Variants in GMEB1 observed in about 807,000 individuals in gnomAD.
The protein encoded by GMEB1 is glucocorticoid modulatory element-binding protein 1.
Under a neutral mutation model 52.4 loss-of-function variants are expected in GMEB1, and 6 were observed. The ratio of observed to expected loss-of-function variants is 0.11; its 90% CI spans 0.06 to 0.23. The LOEUF is 0.23. Ranked by LOEUF, GMEB1 falls within the 10% of genes least tolerant of loss-of-function variation. The pLI is 1.00. For missense variants in GMEB1, 486 were observed against 685.6 expected (o/e 0.71, Z 3.25); for synonymous variants, 255 against 244.9 (o/e 1.04, Z -0.38).
At position 28,710,513 on chromosome 1, in the gene GMEB1, T is replaced by C; in HGVS notation, c.869-7T>C. ...AACTGGACAGGCATGTCTTTTGTTT[T>C]AAATAGATGCTGCTGTTCTCAACAA... On this transcript the variant is annotated splice_region_variant and splice_polypyrimidine_tract_variant and intron_variant, in intron 8 of 9. Coordinates refer to ENST00000373816, the MANE Select transcript of GMEB1 (RefSeq NM_001319674.2). 6.3e-7 allele frequency: 1 copy of C among 1,595,438 alleles called. No homozygotes were observed. The highest frequency in any genetic ancestry group is 8.5e-7 in the Non-Finnish European group (1 of 1,172,548).
At chr1:28,707,120 C>T (rs919353457) in intron 8 of GMEB1, among the ~76,000 whole-genome samples, 2 of 150,576 alleles carry the variant, frequency 1.3e-5, no homozygotes, top group African/African-American at 2.4e-5. Context: ...GTAGCTGGGA[C>T]TACAGGTGCC....
At chr1:28,705,985 T>C (rs1670742055) in intron 8 of GMEB1, among the ~76,000 whole-genome samples, 1 of 150,362 alleles carries the variant, frequency 6.7e-6, no homozygotes, top group South Asian at 2.1e-4. Context: ...AAACCCCGTC[T>C]CTACTAAAAA....
chr1:28,687,204 G>T (rs1669685350), intron 2 of GMEB1, among the ~76,000 whole-genome samples: 1 of 151,494 alleles, frequency 6.6e-6, no homozygotes, highest in African/African-American at 2.4e-5. Flanking sequence ...AGATGTGGTG[G>T]CATATGCCTG....
At chr1:28,684,996 TGCTTTGTTGC>T (rs1175748838) in intron 2 of GMEB1, among the ~76,000 whole-genome samples, 4 of 152,136 alleles carry the variant, frequency 2.6e-5, no homozygotes, top group Non-Finnish European at 4.4e-5. Flanking sequence ...ATAGGGGTCT[TGCTTTGTTGC>T]TCAGTTTATC....
At chr1:28,706,086 A>G (rs4233252) in intron 8 of GMEB1, among the ~76,000 whole-genome samples, 142,669 of 151,858 alleles carry the variant, frequency 0.94, 67,106 homozygotes, top group South Asian at 0.99. Flanking sequence ...CCCGGGAGGC[A>G]GAACATGCAG....
At chr1:28,696,564 T>C (rs1170422993) in intron 5 of GMEB1, among the ~76,000 whole-genome samples, 1 of 152,174 alleles carries the variant, frequency 6.6e-6, no homozygotes, top group Non-Finnish European at 1.5e-5. Context: ...TATAACGTTT[T>C]GTGGATCCAA....
chr1:28,687,379 CACACACACAA>C (rs1431782082), intron 2 of GMEB1, among the ~76,000 whole-genome samples: 3 of 16,378 alleles, frequency 1.8e-4, no homozygotes, highest in Admixed American at 9.0e-4. Context: ...CACACACACA[CACACACACAA>C]AAAAAGACAG....
intron 5 of GMEB1, among the ~76,000 whole-genome samples, chr1:28,696,718 G>A (rs190113171): frequency 4.6e-5 from 7 of 152,206 alleles, no homozygotes; most frequent in East Asian, 3.9e-4. Flanking sequence ...AAACTACAGA[G>A]GGAGGAGGAA....
At chr1:28,672,163 C>T (rs535548638) in intron 1 of GMEB1, among the ~76,000 whole-genome samples, 403 of 150,214 alleles carry the variant, frequency 2.7e-3, no homozygotes, top group Non-Finnish European at 4.3e-3. Flanking sequence ...CAGAAAATCT[C>T]GTACTCATTT....
intron 5 of GMEB1, among the ~76,000 whole-genome samples, chr1:28,695,286 G>A (rs950381950): frequency 1.3e-5 from 2 of 151,784 alleles, no homozygotes; most frequent in Non-Finnish European, 2.9e-5. Context: ...AGGCTAGAGT[G>A]TAATGGCGTG....
In GMEB1 at chr1:28,704,011, A is replaced by G. The variant is rs956618726; in HGVS notation, c.731-181A>G. ...GCACCTATGCTGCTGAAGGGGCGAC[A>G]TAATTGGGTGCCCACTCAGGGAAGC... is the stretch of plus-strand genomic sequence containing the variant. On this transcript the variant is annotated intron_variant, in intron 7 of 9. Coordinates refer to ENST00000373816, the MANE Select transcript of GMEB1 (RefSeq NM_001319674.2). 6.6e-5 allele frequency among the ~76,000 whole-genome samples: 10 copies of G among 152,112 alleles called. 1 individual carries two copies. Among genetic ancestry groups the G allele is most frequent in the Admixed American group, 6.6e-4 (10 of 15,216 alleles).
Position 28,700,483 on chromosome 1 carries a change from C to T in GMEB1, c.599-1955C>T, listed in dbSNP as rs1570422274. 4.8e-5 allele frequency among the ~76,000 whole-genome samples: 7 copies of T among 144,770 alleles called. No homozygotes were observed. The South Asian group carries it at 1.5e-3, about 32-fold the overall frequency. 95.0% of individuals were successfully genotyped at this position (144,770 alleles called of 152,430 possible). ...TAGCCGAGATCGCGCCACTGCATTC[C>T]AGCCTGGGCGACAGAGCAAGACTCC... On this transcript the variant is annotated intron_variant, in intron 6 of 9. Transcript: ENST00000373816.
At chr1:28,677,207 G>A (rs1669189548) in intron 1 of GMEB1, among the ~76,000 whole-genome samples, 1 of 151,416 alleles carries the variant, frequency 6.6e-6, no homozygotes, top group Non-Finnish European at 1.5e-5. Context: ...GAAATTTGAG[G>A]CACTTCTGAT....
chr1:28,677,657 C>G (rs1021588952), intron 1 of GMEB1, among the ~76,000 whole-genome samples: 2 of 152,098 alleles, frequency 1.3e-5, no homozygotes, highest in South Asian at 2.1e-4. Context: ...TCTTTTAATT[C>G]CGCCTACATT....
intron 2 of GMEB1, among the ~76,000 whole-genome samples, chr1:28,684,562 C>CA (rs35899215): frequency 0.45 from 45,872 of 102,720 alleles, 9,903 homozygotes; most frequent in East Asian, 0.77. Flanking sequence ...GACTCCATCT[C>CA]AAAAAAAAAA....
intron 1 of GMEB1, among the ~76,000 whole-genome samples, chr1:28,674,039 C>T (rs1001106108): frequency 1.3e-5 from 2 of 151,194 alleles, no homozygotes; most frequent in African/African-American, 4.9e-5. Context: ...CCCAGCTACT[C>T]GGGAGGCTGA....
At chr1:28,670,939 A>G (rs1668856004) in intron 1 of GMEB1, among the ~76,000 whole-genome samples, 1 of 152,190 alleles carries the variant, frequency 6.6e-6, no homozygotes, top group Admixed American at 6.6e-5. Flanking sequence ...TTGTGGGGGC[A>G]GTATTTTGGT....
rs1261763017 is a variant in GMEB1, at chr1:28,716,292, C to T, written c.*1519C>T. ...CTGTGGCTGTCACAGGGATGGGGCTCCAAGGCCATCATTTTCATTGCATGG... is the reference window on the plus strand; with the variant it reads ...CTGTGGCTGTCACAGGGATGGGGCTTCAAGGCCATCATTTTCATTGCATGG... On this transcript the variant is annotated 3_prime_UTR_variant, in exon 10 of 10. Transcript: ENST00000373816. The T allele has an allele frequency of 6.6e-6, 1 of 152,168 alleles. No homozygotes were observed. Among genetic ancestry groups the T allele is most frequent in the Non-Finnish European group, 1.5e-5 (1 of 68,038 alleles). The allele number at this position is 152,168 out of a possible 1,614,324, so 9.4% of individuals were successfully genotyped here.
At chr1:28,684,738 G>T (rs189582774) in intron 2 of GMEB1, among the ~76,000 whole-genome samples, 3 of 152,124 alleles carry the variant, frequency 2.0e-5, no homozygotes, top group Admixed American at 1.3e-4. Context: ...GGGGCCTGTT[G>T]GGGGGTGAGG....
Sources: gnomAD v4.1 joint callset for allele counts (sites outside exome capture counted in the v4.1 genomes callset) on GRCh38, gnomAD v4.1.1 for gene constraint, MANE v1.5 for transcripts, NCBI Gene and HGNC (gene_info 2026-07-23, HGNC 2026-07-21) for gene names.